The following SLC6A2 variants were observed in gnomAD, a reference collection of about 807,000 sequenced individuals.
SLC6A2 encodes solute carrier family 6 member 2.
SLC6A2 carries 26 observed loss-of-function variants against 71.7 expected under a neutral mutation model. The ratio of observed to expected loss-of-function variants is 0.36; its 90% confidence interval spans 0.27 to 0.50. The LOEUF is 0.50. Ranked by LOEUF, SLC6A2 falls within the 20% of genes least tolerant of loss-of-function variation. The pLI is 0.96. For missense variants in SLC6A2, 581 were observed against 803.9 expected, an observed-to-expected ratio of 0.72 and a Z score of 3.35; for synonymous variants, 363 against 337.9, an observed-to-expected ratio of 1.07 and a Z score of -0.82.
intron 2 of SLC6A2, among the ~76,000 whole-genome samples, chr16:55,658,573 T>G (rs145192706): frequency 6.6e-6 from 1 of 151,884 alleles, no homozygotes; most frequent in African/African-American, 2.4e-5. Flanking sequence ...GAGCAGAGGA[T>G]CTTGAGTAAG....
intron 2 of SLC6A2, among the ~76,000 whole-genome samples, chr16:55,668,124 C>A (rs1420030969): frequency 1.3e-5 from 2 of 152,084 alleles, no homozygotes; most frequent in African/African-American, 4.8e-5. Context: ...CTTCTACTCA[C>A]AAGGGACTAG....
chr16:55,694,202 A>G (rs1965724290), intron 7 of SLC6A2, 89 bp downstream of exon 7: 4 of 988,702 alleles, frequency 4.0e-6, no homozygotes, highest in East Asian at 4.8e-5. Context: ...CTGGAAGCCA[A>G]CTCTCCCTGG....
chr16:55,693,258 G>T (rs559844132), intron 6 of SLC6A2, among the ~76,000 whole-genome samples: 1 of 152,118 alleles, frequency 6.6e-6, no homozygotes, highest in Non-Finnish European at 1.5e-5. Flanking sequence ...ACGGTGGCAC[G>T]CACTTGTAAT....
At chr16:55,694,531 G>A (rs1340364612) in intron 7 of SLC6A2, among the ~76,000 whole-genome samples, 1 of 152,210 alleles carries the variant, frequency 6.6e-6, no homozygotes, top group Non-Finnish European at 1.5e-5. Flanking sequence ...ATCTAGCTCA[G>A]TTCAGGAAGC....
At chr16:55,665,198 A>G (rs899643452) in intron 2 of SLC6A2, among the ~76,000 whole-genome samples, 1 of 152,196 alleles carries the variant, frequency 6.6e-6, no homozygotes, top group Admixed American at 6.5e-5. Flanking sequence ...GAACTTTATA[A>G]TAGAACTACT....
chr16:55,696,142 T>C lies in SLC6A2; in HGVS notation c.1148-83T>C, dbSNP rs1003377165. On this transcript the variant is annotated intron_variant, in intron 8 of 14. Coordinates refer to ENST00000568943, the MANE Select transcript of SLC6A2 (RefSeq NM_001172501.3). The stretch of plus-strand genomic sequence containing the variant: ...TGTCCGCCCACACATGACCGAACAA[T>C]TGGGCCCCCAGATACTCCCCTATCA... The C allele has an allele frequency of 3.8e-5, 32 of 851,836 alleles. 1 individual carries two copies. The highest frequency in any genetic ancestry group is 5.6e-5 in the Non-Finnish European group (27 of 485,170). The allele number at this position is 851,836 out of a possible 1,614,324, so 52.8% of individuals were successfully genotyped here.
At chr16:55,667,551 G>A (rs1964788147) in intron 2 of SLC6A2, among the ~76,000 whole-genome samples, 1 of 152,218 alleles carries the variant, frequency 6.6e-6, no homozygotes, top group African/African-American at 2.4e-5. Context: ...ATTACTGTCA[G>A]CAATGTGCAT....
intron 9 of SLC6A2, among the ~76,000 whole-genome samples, chr16:55,697,558 A>G (rs568863658): frequency 4.6e-4 from 70 of 152,172 alleles, no homozygotes; most frequent in Non-Finnish European, 5.7e-4. Flanking sequence ...AACGTATGAC[A>G]TGGGTTTTGG....
intron 2 of SLC6A2, among the ~76,000 whole-genome samples, chr16:55,665,028 G>T (rs548581410): frequency 6.6e-6 from 1 of 152,282 alleles, no homozygotes; most frequent in Non-Finnish European, 1.5e-5. Flanking sequence ...GCGGGAGGTG[G>T]GGGTGTCTGC....
At chr16:55,675,364 A>C (rs1412821898) in intron 4 of SLC6A2, among the ~76,000 whole-genome samples, 4 of 152,250 alleles carry the variant, frequency 2.6e-5, no homozygotes, top group Non-Finnish European at 5.9e-5. Context: ...CATGGTCTAG[A>C]GCAGAGGTCC....
chr16:55,700,277 T>G lies in SLC6A2; in HGVS notation c.1729T>G (p.Phe577Val). Residue 577 changes from phenylalanine (F) to valine (V), a missense_variant, in exon 13 of 15, where the codon TTC (phenylalanine) becomes GTC (valine). Phe to Val is a conservative substitution (Grantham distance 50). Transcript: ENST00000568943. ...GGTGCCCATCTACGTCATCTATAAG[T>G]TCCTCAGCACGCAGGGCTCTCTTTG... ...VLVPIYVIYK[F>V]LSTQGSLWER... 6.2e-7 allele frequency: 1 copy of G among 1,613,916 alleles called. No homozygotes were observed. The highest frequency in any genetic ancestry group is 8.5e-7 in the Non-Finnish European group (1 of 1,179,922).
chr16:55,663,288 T>A (rs1964658398), intron 2 of SLC6A2, among the ~76,000 whole-genome samples: 3 of 152,152 alleles, frequency 2.0e-5, no homozygotes, highest in Admixed American at 2.0e-4. Flanking sequence ...GGTGTTTGGG[T>A]CATGAGAGTG....
chr16:55,662,038 T>C (rs1334489735), intron 2 of SLC6A2, among the ~76,000 whole-genome samples: 1 of 152,174 alleles, frequency 6.6e-6, no homozygotes, highest in Non-Finnish European at 1.5e-5. Context: ...AGATGCACAA[T>C]GAGCCAGCCA....
At chr16:55,685,083 G>A (rs563078163) in intron 4 of SLC6A2, 60 bp from the exon 5 acceptor site, 15 of 1,566,192 alleles carry the variant, frequency 9.6e-6, no homozygotes, top group Admixed American at 6.7e-5. Flanking sequence ...CTGTGGTCAC[G>A]GCCTCTGTCG....
chr16:55,672,526 A>G (rs1259339468), intron 4 of SLC6A2, among the ~76,000 whole-genome samples: 1 of 152,210 alleles, frequency 6.6e-6, no homozygotes, highest in African/African-American at 2.4e-5. Context: ...GGAAAAATCA[A>G]TCATGGAGGG....
intron 5 of SLC6A2, among the ~76,000 whole-genome samples, chr16:55,687,785 G>A (rs911761815): frequency 3.3e-5 from 5 of 152,236 alleles, no homozygotes; most frequent in African/African-American, 9.6e-5. Context: ...AGCCTGCCCC[G>A]TCTAGTTTAG....
chr16:55,695,668 C>T (rs1472377523), intron 8 of SLC6A2, among the ~76,000 whole-genome samples: 1 of 152,214 alleles, frequency 6.6e-6, no homozygotes, highest in Non-Finnish European at 1.5e-5. Flanking sequence ...CAGCCCTGGG[C>T]TAAGCACTTG....
chr16:55,694,089 A>G lies in SLC6A2; in HGVS notation c.998A>G (p.Asn333Ser). Reference sequence around the variant, plus strand: ...GTATTGATTGCATTTGCCAGTTACAACAAATTTGACAACAACTGTTACAGG... The same window carrying G: ...GTATTGATTGCATTTGCCAGTTACAGCAAATTTGACAACAACTGTTACAGG... ...FGVLIAFASY[N>S]KFDNNCYRDA... Residue 333 changes from asparagine (N) to serine (S), a missense_variant, in exon 7 of 15, where the codon AAC (asparagine) becomes AGC (serine). Asn to Ser is a conservative substitution (Grantham distance 46). Around this residue, in one of 5 missense-constraint regions of SLC6A2, gnomAD observed 334 missense variants for 449.0 expected, o/e 0.74. Transcript: ENST00000568943. 1.9e-6 allele frequency: 3 copies of G among 1,606,624 alleles called. No individual in the cohort carries two copies. The highest frequency in any genetic ancestry group is 1.7e-6 in the Non-Finnish European group (2 of 1,173,052).
intron 13 of SLC6A2, among the ~76,000 whole-genome samples, chr16:55,701,333 A>G (rs1394775493): frequency 6.6e-6 from 1 of 152,170 alleles, no homozygotes; most frequent in Non-Finnish European, 1.5e-5. Flanking sequence ...AGACATGGGA[A>G]CTGGGACCTG....
Sources: gnomAD v4.1 joint callset for allele counts (sites outside exome capture counted in the v4.1 genomes callset) on GRCh38, gnomAD v4.1.1 for gene constraint, gnomAD v4.1.1 regional missense constraint, MANE v1.5 for transcripts, NCBI Gene and HGNC (gene_info 2026-07-23, HGNC 2026-07-21) for gene names.